The following GNAT3 variants were observed in gnomAD, a reference collection of about 807,000 sequenced individuals.
GNAT3 encodes the protein guanine nucleotide-binding protein G(t) subunit alpha-3.
GNAT3 carries 31 observed loss-of-function variants against 37.7 expected under a neutral mutation model. That is an observed-to-expected ratio of 0.82 (90% CI 0.62 to 1.11). GNAT3 has a LOEUF of 1.11. Among genes scored for constraint, GNAT3 ranks in the 50% most tolerant of loss-of-function variants. The pLI, the probability that GNAT3 is intolerant of heterozygous loss-of-function variation, is 0.00. For synonymous variants in GNAT3, 138 were observed against 139.8 expected (o/e 0.99, Z 0.09); for missense variants, 437 against 412.5 (o/e 1.06, Z -0.51).
intron 4 of GNAT3, among the ~76,000 whole-genome samples, chr7:80,478,115 A>G (rs560448503): frequency 8.5e-5 from 13 of 152,320 alleles, no homozygotes; most frequent in African/African-American, 2.9e-4. Context: ...TTTGCCATGT[A>G]ACCCAGGCTG....
chr7:80,482,640 A>G (rs1302100774), intron 3 of GNAT3, among the ~76,000 whole-genome samples: 1 of 150,390 alleles, frequency 6.6e-6, no homozygotes, highest in African/African-American at 2.5e-5. Flanking sequence ...CAGCCTCCCA[A>G]GTAGCTGAGA....
chr7:80,461,080 A>G (rs1790041741), intron 7 of GNAT3, among the ~76,000 whole-genome samples: 1 of 151,016 alleles, frequency 6.6e-6, no homozygotes, highest in African/African-American at 2.4e-5. Context: ...ATACTTAATC[A>G]CATGATAAAT....
intron 4 of GNAT3, 80 bp from the exon 5 acceptor site, chr7:80,474,459 A>G (rs1391109051): frequency 1.7e-6 from 1 of 589,368 alleles, no homozygotes; most frequent in African/African-American, 2.0e-5. Flanking sequence ...ACACACATAC[A>G]TACATATATA....
chr7:80,487,308 C>T (rs1362970473), intron 3 of GNAT3, among the ~76,000 whole-genome samples: 1 of 152,046 alleles, frequency 6.6e-6, no homozygotes, highest in Non-Finnish European at 1.5e-5. Context: ...CCTCCAAGTT[C>T]CCCTTTTACA....
chr7:80,483,563 A>G (rs1562726135), intron 3 of GNAT3, among the ~76,000 whole-genome samples: 1 of 151,854 alleles, frequency 6.6e-6, no homozygotes, highest in Non-Finnish European at 1.5e-5. Flanking sequence ...TAAAACCCAA[A>G]TCCCTTATCC....
intron 6 of GNAT3, 58 bp from the exon 7 acceptor site, chr7:80,462,370 G>T: frequency 6.4e-7 from 1 of 1,564,286 alleles, no homozygotes; most frequent in South Asian, 1.1e-5. Flanking sequence ...TGTGAATGTT[G>T]AGCATCATGA....
chr7:80,507,741 CTGTG>C (rs1790976999), intron 1 of GNAT3, among the ~76,000 whole-genome samples: 1 of 151,950 alleles, frequency 6.6e-6, no homozygotes, highest in Non-Finnish European at 1.5e-5. Flanking sequence ...TCTAATTCTG[CTGTG>C]TGAGTTTTAT....
intron 5 of GNAT3, among the ~76,000 whole-genome samples, chr7:80,464,349 C>T (rs1790099590): frequency 6.6e-6 from 1 of 151,918 alleles, no homozygotes; most frequent in South Asian, 2.1e-4. Context: ...ATATCTGGAG[C>T]AAACAATGTT....
chr7:80,480,600 G>A (rs1370039796), intron 3 of GNAT3, among the ~76,000 whole-genome samples: 1 of 152,116 alleles, frequency 6.6e-6, no homozygotes, highest in Non-Finnish European at 1.5e-5. Context: ...AGGGCTGCTG[G>A]TTGTTCATTT....
chr7:80,494,098 T>C (rs910483313), intron 2 of GNAT3, among the ~76,000 whole-genome samples: 2 of 152,214 alleles, frequency 1.3e-5, no homozygotes, highest in African/African-American at 4.8e-5. Context: ...ACTGCATTCT[T>C]TTGTCATTAT....
chr7:80,484,859 A>G (rs1319642645), intron 3 of GNAT3, among the ~76,000 whole-genome samples: 1 of 152,022 alleles, frequency 6.6e-6, no homozygotes, highest in Non-Finnish European at 1.5e-5. Flanking sequence ...CCTTGGCTAT[A>G]GGTCCTGAAA....
intron 5 of GNAT3, among the ~76,000 whole-genome samples, chr7:80,473,202 G>T (rs1382243264): frequency 6.6e-6 from 1 of 152,118 alleles, no homozygotes; most frequent in Middle Eastern, 3.2e-3. Context: ...CCTTTACCCT[G>T]GTTTAATCTT....
intron 5 of GNAT3, among the ~76,000 whole-genome samples, chr7:80,467,756 A>C (rs904495836): frequency 2.6e-5 from 4 of 152,060 alleles, no homozygotes; most frequent in African/African-American, 9.7e-5. Context: ...ATCAGAGAAA[A>C]CATGTATATT....
intron 3 of GNAT3, chr7:80,486,631 C>CCTTTTTTTTTTTTTTTTTTTTTTTTTTTT (rs1326494479): frequency 7.8e-6 from 1 of 128,944 alleles, no homozygotes; most frequent in Non-Finnish European, 1.6e-5. Flanking sequence ...TTTTTCTTTT[C>CCTTTTTTTTTTTTTTTTTTTTTTTTTTTT]CTTTTTTTTT....
chr7:80,500,526 G>T (rs768796770), intron 1 of GNAT3, among the ~76,000 whole-genome samples: 1 of 151,960 alleles, frequency 6.6e-6, no homozygotes, highest in Non-Finnish European at 1.5e-5. Flanking sequence ...TTGAAGAGAA[G>T]GTCAAGGGCA....
chr7:80,499,362 A>T (rs1790792260), intron 1 of GNAT3, among the ~76,000 whole-genome samples: 1 of 152,094 alleles, frequency 6.6e-6, no homozygotes, highest in South Asian at 2.1e-4. Context: ...ATTTTTTATA[A>T]ATTAGTATGA....
At chr7:80,509,047 A>G (rs1349503247) in intron 1 of GNAT3, among the ~76,000 whole-genome samples, 1 of 152,096 alleles carries the variant, frequency 6.6e-6, no homozygotes, top group Non-Finnish European at 1.5e-5. Context: ...GACGACACTG[A>G]TGAATGAGAA....
In GNAT3 at chr7:80,508,515, C is replaced by G. The variant is rs749521169; in HGVS notation, c.118+3294G>C. ...TTTGTTTTTCTTATTAAAATGTGCTCTTTCTGGAATATCTTTGCAAGTAAA... is the reference window on the plus strand; with the variant it reads ...TTTGTTTTTCTTATTAAAATGTGCTGTTTCTGGAATATCTTTGCAAGTAAA... On this transcript the variant is annotated intron_variant, in intron 1 of 7. Transcript: ENST00000398291. Among the ~76,000 whole-genome samples the G allele has an allele frequency of 5.3e-5, 8 of 151,946 alleles. 1 individual carries two copies. Among genetic ancestry groups the G allele is most frequent in the African/African-American group, 1.9e-4 (8 of 41,406 alleles).
intron 5 of GNAT3, among the ~76,000 whole-genome samples, chr7:80,464,084 G>A (rs1426329453): frequency 6.6e-6 from 1 of 151,752 alleles, no homozygotes; most frequent in African/African-American, 2.4e-5. Context: ...TAAACTGGTG[G>A]TGATGGTGGT....
Sources: allele counts gnomAD v4.1 joint callset (sites outside exome capture counted in the v4.1 genomes callset), GRCh38; gene constraint gnomAD v4.1.1; transcripts MANE v1.5; gene names NCBI Gene and HGNC (gene_info 2026-07-23, HGNC 2026-07-21).